The following CSMD1 variants were observed in gnomAD, a reference collection of about 807,000 sequenced individuals.
The protein encoded by CSMD1 is CUB and sushi domain-containing protein 1.
A neutral mutation model predicts 417.5 loss-of-function variants in CSMD1; 213 were observed. That is an observed-to-expected ratio of 0.51 (90% CI 0.46 to 0.57). CSMD1 has a LOEUF of 0.57. Among genes scored for constraint, CSMD1 ranks in the 20% least tolerant of loss-of-function variants. CSMD1 has a pLI of 0.00. For synonymous variants in CSMD1, 2,862 were observed against 1,736.8 expected (o/e 1.65, Z -16.11); for missense variants, 6,923 against 4,529.7 (o/e 1.53, Z -15.17).
At chr8:4,466,304 G>C (rs1006452755) in intron 2 of CSMD1, among the ~76,000 whole-genome samples, 1 of 152,054 alleles carries the variant, frequency 6.6e-6, no homozygotes, top group Admixed American at 6.6e-5. Flanking sequence ...GGAGGAGGAG[G>C]AGAAACAGAA....
chr8:3,503,957 G>T (rs1169501695), intron 10 of CSMD1, among the ~76,000 whole-genome samples: 1 of 152,012 alleles, frequency 6.6e-6, no homozygotes, highest in East Asian at 1.9e-4. Context: ...TTAGGGCGTG[G>T]ACAAGAAGTG....
chr8:2,945,580 A>T (rs969124216), intron 68 of CSMD1, among the ~76,000 whole-genome samples: 12 of 152,204 alleles, frequency 7.9e-5, no homozygotes, highest in African/African-American at 2.9e-4. Flanking sequence ...GTGTTGCTAC[A>T]TCCTACCTAA....
intron 2 of CSMD1, among the ~76,000 whole-genome samples, chr8:4,476,543 A>G (rs1244042473): frequency 6.6e-6 from 1 of 152,184 alleles, no homozygotes; most frequent in Non-Finnish European, 1.5e-5. Flanking sequence ...TATTTATAAA[A>G]CAGAAAGGGA....
intron 26 of CSMD1, among the ~76,000 whole-genome samples, chr8:3,243,326 C>T (rs1799664498): frequency 1.3e-5 from 2 of 152,132 alleles, no homozygotes; most frequent in African/African-American, 2.4e-5. Flanking sequence ...ACATTTCACT[C>T]GCGTCCATGT....
At chr8:3,838,189 G>T (rs937569357) in intron 5 of CSMD1, among the ~76,000 whole-genome samples, 4 of 152,020 alleles carry the variant, frequency 2.6e-5, no homozygotes, top group African/African-American at 7.2e-5. Context: ...CACAGACCCT[G>T]CCTTCCTATG....
chr8:4,762,693 G>A (rs560707012), intron 1 of CSMD1, among the ~76,000 whole-genome samples: 1 of 152,150 alleles, frequency 6.6e-6, no homozygotes, highest in Admixed American at 6.5e-5. Flanking sequence ...TCATTATTCA[G>A]GCCCAGATGC....
intron 49 of CSMD1, among the ~76,000 whole-genome samples, chr8:3,085,442 G>A (rs9314472): frequency 0.11 from 17,217 of 152,152 alleles, 1,043 homozygotes; most frequent in African/African-American, 0.18. Flanking sequence ...TCTGAAGGAA[G>A]GTAGTCTAAC....
At chr8:3,682,500 TCA>T (rs1348738126) in intron 7 of CSMD1, among the ~76,000 whole-genome samples, 1 of 152,126 alleles carries the variant, frequency 6.6e-6, no homozygotes, top group Non-Finnish European at 1.5e-5. Flanking sequence ...AGATACCATC[TCA>T]CAACAGTTGG....
chr8:4,181,960 G>GTC (rs1798401896), intron 3 of CSMD1, among the ~76,000 whole-genome samples: 1 of 150,608 alleles, frequency 6.6e-6, no homozygotes, highest in Non-Finnish European at 1.5e-5. Context: ...GTGTCTGCGT[G>GTC]TGTGTGTGTG....
chr8:3,547,168 G>C (rs1167078962), intron 10 of CSMD1, among the ~76,000 whole-genome samples: 1 of 152,174 alleles, frequency 6.6e-6, no homozygotes, highest in Non-Finnish European at 1.5e-5. Context: ...TGGCAAAGAT[G>C]AATACCTTGT....
intron 3 of CSMD1, among the ~76,000 whole-genome samples, chr8:4,288,115 G>A (rs1354886199): frequency 1.3e-5 from 2 of 152,224 alleles, no homozygotes; most frequent in East Asian, 3.9e-4. Context: ...TGCTAGCCAT[G>A]CTTTCTGTTC....
chr8:3,870,871 G>A (rs188485591), intron 5 of CSMD1, among the ~76,000 whole-genome samples: 96 of 152,092 alleles, frequency 6.3e-4, no homozygotes, highest in Non-Finnish European at 8.7e-4. Context: ...TTCCTTAGAT[G>A]CCTGAGTTTA....
At chr8:3,110,599 C>T (rs923937358) in intron 42 of CSMD1, among the ~76,000 whole-genome samples, 2 of 152,214 alleles carry the variant, frequency 1.3e-5, no homozygotes, top group Non-Finnish European at 2.9e-5. Context: ...ATTTATTCTT[C>T]TATGCCTCAA....
chr8:3,218,832 A>G (rs1457341910), intron 29 of CSMD1, among the ~76,000 whole-genome samples: 1 of 152,060 alleles, frequency 6.6e-6, no homozygotes, highest in African/African-American at 2.4e-5. Flanking sequence ...ACATCGTGCC[A>G]TTGCCCTCCA....
At chr8:4,376,089 T>A (rs1406085305) in intron 3 of CSMD1, among the ~76,000 whole-genome samples, 3 of 152,220 alleles carry the variant, frequency 2.0e-5, no homozygotes, top group Non-Finnish European at 2.9e-5. Flanking sequence ...ATTTAATATA[T>A]CATAACTAAG....
chr8:3,158,017 T>G, intron 38 of CSMD1, 51 bp from the exon 39 acceptor site: 1 of 1,394,496 alleles, frequency 7.2e-7, no homozygotes, highest in Non-Finnish European at 9.9e-7. Context: ...ACAGAGTATT[T>G]AAGGATTAAA....
At chr8:3,874,470 G>A (rs1348748325) in intron 5 of CSMD1, among the ~76,000 whole-genome samples, 1 of 152,160 alleles carries the variant, frequency 6.6e-6, no homozygotes, top group African/African-American at 2.4e-5. Context: ...TTCAGTGCTT[G>A]AACTTTTACA....
chr8:3,302,637 C>T (rs189632534), intron 25 of CSMD1, among the ~76,000 whole-genome samples: 1 of 152,162 alleles, frequency 6.6e-6, no homozygotes, highest in African/African-American at 2.4e-5. Flanking sequence ...TGAGAATGCA[C>T]TGAATAGCAG....
intron 12 of CSMD1, among the ~76,000 whole-genome samples, chr8:3,424,443 G>C (rs1213816352): frequency 1.3e-5 from 2 of 152,286 alleles, no homozygotes; most frequent in East Asian, 1.9e-4. Flanking sequence ...CGTCTAGTCT[G>C]TGTATTTATT....
Sources: gnomAD v4.1 joint callset for allele counts (sites outside exome capture counted in the v4.1 genomes callset) on GRCh38, gnomAD v4.1.1 for gene constraint, MANE v1.5 for transcripts, NCBI Gene and HGNC (gene_info 2026-07-23, HGNC 2026-07-21) for gene names.